PCDHA1: variants seen among roughly 807,000 people sequenced by gnomAD.
PCDHA1 encodes the protein protocadherin alpha-1.
A neutral mutation model predicts 61.3 loss-of-function variants in PCDHA1; 42 were observed. The ratio of observed to expected loss-of-function variants is 0.69; its 90% CI spans 0.54 to 0.89. The LOEUF (loss-of-function observed/expected upper bound fraction) is 0.89. Among genes scored for constraint, PCDHA1 ranks in the 40% least tolerant of loss-of-function variants. The pLI, the probability that PCDHA1 is intolerant of heterozygous loss-of-function variation, is 0.00. For missense variants in PCDHA1, 1,256 were observed against 1,235.3 expected (o/e 1.02, Z -0.25); for synonymous variants, 610 against 553.8 (o/e 1.10, Z -1.43).
intron 1 of PCDHA1, among the ~76,000 whole-genome samples, chr5:140,953,512 C>G (rs2094896275): frequency 6.6e-6 from 1 of 152,106 alleles, no homozygotes; most frequent in Non-Finnish European, 1.5e-5. Context: ...TAGGCCAAAG[C>G]AACAAAAACG....
chr5:140,933,211 CTG>C (rs1491057503), intron 1 of PCDHA1, among the ~76,000 whole-genome samples: 2 of 151,532 alleles, frequency 1.3e-5, no homozygotes, highest in Non-Finnish European at 3.0e-5. Context: ...AATTACATGT[CTG>C]TTATATTGCA....
At position 140,787,001 on chromosome 5, in the gene PCDHA1, TA is replaced by T. The variant is rs781797016; in HGVS notation, c.713del (p.Asn238ThrfsTer15). On this transcript the variant is annotated frameshift_variant, in exon 1 of 4. Transcript: ENST00000504120. LOFTEE classifies it high-confidence loss of function. ...LLITVLDVNDNAPLFDQAVYR... is the reference protein window; with the variant it reads ...LLITVLDVNDXAPLFDQAVYR... ...TGATCACCGTCCTCGACGTTAATGA[TA>T]ACGCCCCACTGTTTGACCAGGCCGT... is the stretch of plus-strand genomic sequence containing the variant. The T allele has an allele frequency of 6.2e-7, 1 of 1,614,164 alleles. No individual in the cohort carries two copies. The highest frequency in any genetic ancestry group is 1.1e-5 in the South Asian group (1 of 91,082).
chr5:140,984,982 G>A lies in PCDHA1; in HGVS notation c.2542+2419G>A, dbSNP rs544151858. On this transcript the variant is annotated intron_variant, in intron 3 of 3. Coordinates refer to ENST00000504120, the MANE Select transcript of PCDHA1 (RefSeq NM_018900.4). ...AGACAGAGTCTCGCTCTGTCCCCCA[G>A]GCTGGAGTCCAGTGGCACGATATCG... Among the ~76,000 whole-genome samples the A allele has an allele frequency of 1.1e-3, 174 of 152,116 alleles. 2 individuals are homozygous for A. In the South Asian group the frequency reaches 0.016, roughly 14 times the overall value.
At chr5:140,941,247 CT>C (rs1398354432) in intron 1 of PCDHA1, among the ~76,000 whole-genome samples, 1 of 128,506 alleles carries the variant, frequency 7.8e-6, no homozygotes, top group African/African-American at 2.9e-5. Context: ...TTCTTTCTTT[CT>C]TTCTTTCTCT....
chr5:140,955,073 C>T (rs2095133365), intron 1 of PCDHA1, among the ~76,000 whole-genome samples: 1 of 152,146 alleles, frequency 6.6e-6, no homozygotes, highest in South Asian at 2.1e-4. Context: ...TGTTGAAGAT[C>T]AGATGGTTGT....
In PCDHA1 at chr5:141,010,190, C is replaced by T. The variant is rs868983471; in HGVS notation, c.*253C>T. On this transcript the variant is annotated 3_prime_UTR_variant, in exon 4 of 4. Coordinates refer to ENST00000504120, the MANE Select transcript of PCDHA1 (RefSeq NM_018900.4). ...GAACCTAAAAAGCAGACCCAAGTTT[C>T]CTTTCTCCTCCGCCGCAAAGGAGAG... The T allele has an allele frequency of 6.4e-7, 1 of 1,552,504 alleles. No homozygotes were observed. Among genetic ancestry groups the T allele is most frequent in the Non-Finnish European group, 8.7e-7 (1 of 1,147,234 alleles).
intron 1 of PCDHA1, chr5:140,825,432 TATA>T (rs1768576075): frequency 6.8e-6 from 1 of 147,582 alleles, no homozygotes; most frequent in African/African-American, 2.5e-5. Context: ...ATAATAAATA[TATA>T]ATAATAATAT....
chr5:140,855,663 AC>A (rs1363800553), intron 1 of PCDHA1, among the ~76,000 whole-genome samples: 7 of 149,864 alleles, frequency 4.7e-5, no homozygotes, highest in Non-Finnish European at 1.0e-4. Flanking sequence ...GGAAGAAATC[AC>A]TACTCTGAGA....
chr5:140,858,325 G>A, intron 1 of PCDHA1: 1 of 1,596,768 alleles, frequency 6.3e-7, no homozygotes, highest in Non-Finnish European at 8.6e-7. Context: ...TGTGTTCTGG[G>A]GAGGGCCTGC....
At chr5:140,802,179 C>T (rs146951816) in intron 1 of PCDHA1, 889 of 1,614,140 alleles carry the variant, frequency 5.5e-4, no homozygotes, top group Non-Finnish European at 7.1e-4. Context: ...TAAAGGAAAT[C>T]CCCCAATGTC....
intron 1 of PCDHA1, among the ~76,000 whole-genome samples, chr5:140,826,973 A>G (rs1483658435): frequency 1.3e-5 from 2 of 152,200 alleles, no homozygotes; most frequent in South Asian, 2.1e-4. Context: ...GGAGTAATTT[A>G]AAAAGTAATA....
intron 1 of PCDHA1, among the ~76,000 whole-genome samples, chr5:140,888,140 G>A (rs2061708866): frequency 1.3e-5 from 2 of 152,080 alleles, no homozygotes; most frequent in Admixed American, 1.3e-4. Context: ...TTTTCTTGCT[G>A]TTTTGCATGA....
In PCDHA1 at chr5:140,857,943, C is replaced by T. The variant is rs782648009; in HGVS notation, c.2394+69259C>T. 3 of 1,597,460 alleles carry T rather than the reference C, an allele frequency of 1.9e-6. 1 individual carries two copies. The highest frequency in any genetic ancestry group is 2.6e-6 in the Non-Finnish European group (3 of 1,167,412). Reference sequence around the variant, plus strand: ...GGGCTGTACACGGGCGAGATCAGTACGACGCGCGCTCTGGATGAGACTGAC... The same window carrying T: ...GGGCTGTACACGGGCGAGATCAGTATGACGCGCGCTCTGGATGAGACTGAC... On this transcript the variant is annotated intron_variant, in intron 1 of 3. Coordinates refer to ENST00000504120, the MANE Select transcript of PCDHA1 (RefSeq NM_018900.4).
intron 1 of PCDHA1, chr5:140,876,058 C>T (rs781906188): frequency 6.2e-7 from 1 of 1,613,868 alleles, no homozygotes; most frequent in Middle Eastern, 1.6e-4. Context: ...TGAATTAGTT[C>T]TTCGGAAGTT....
chr5:140,871,468 G>A lies in PCDHA1; in HGVS notation c.2394+82784G>A, dbSNP rs781821721. 4 of 1,602,054 alleles carry A rather than the reference G, an allele frequency of 2.5e-6. No individual in the cohort carries two copies. In the Admixed American group the frequency reaches 5.2e-5, roughly 21 times the overall value. On this transcript the variant is annotated intron_variant, in intron 1 of 3. Transcript: ENST00000504120. Reference sequence around the variant, plus strand: ...TAAAGAGGAGGAAGGGGAAAGACAGGAGCCAGGGTCAAATCACCCCGGACA... The same window carrying A: ...TAAAGAGGAGGAAGGGGAAAGACAGAAGCCAGGGTCAAATCACCCCGGACA...
intron 1 of PCDHA1, among the ~76,000 whole-genome samples, chr5:140,934,564 A>T (rs2089922231): frequency 6.6e-6 from 1 of 152,076 alleles, no homozygotes; most frequent in African/African-American, 2.4e-5. Flanking sequence ...TCTTTTTTTT[A>T]ATTAATTGTA....
chr5:140,971,192 A>G (rs1450514781), intron 1 of PCDHA1, among the ~76,000 whole-genome samples: 3 of 152,178 alleles, frequency 2.0e-5, no homozygotes, highest in Non-Finnish European at 4.4e-5. Context: ...GGAAGCTCAG[A>G]GGAAAGACAC....
At chr5:140,824,920 A>G (rs1768395100) in intron 1 of PCDHA1, 1 of 152,304 alleles carries the variant, frequency 6.6e-6, no homozygotes, top group African/African-American at 2.4e-5. Context: ...CTGTATACCC[A>G]TGATGAATTT....
Position 140,848,595 on chromosome 5 carries a change from T to C in PCDHA1, c.2394+59911T>C, listed in dbSNP as rs2150413668. The C allele has an allele frequency of 1.4e-5, 23 of 1,594,356 alleles. 3 individuals are homozygous for C. The highest frequency in any genetic ancestry group is 1.8e-5 in the Non-Finnish European group (21 of 1,164,532). Reference sequence around the variant, plus strand: ...GGTGGGGAGCGGCCAGCTCCACTACTCCGTCCCGGAGGAAGCCGAACACGG... The same window carrying C: ...GGTGGGGAGCGGCCAGCTCCACTACCCCGTCCCGGAGGAAGCCGAACACGG... On this transcript the variant is annotated intron_variant, in intron 1 of 3. Coordinates refer to ENST00000504120, the MANE Select transcript of PCDHA1 (RefSeq NM_018900.4).
Sources: allele counts gnomAD v4.1 joint callset (sites outside exome capture counted in the v4.1 genomes callset), GRCh38; gene constraint gnomAD v4.1.1; transcripts MANE v1.5; gene names NCBI Gene and HGNC (gene_info 2026-07-23, HGNC 2026-07-21).